SLC2A9: variants seen among roughly 807,000 people sequenced by gnomAD.
SLC2A9 encodes the protein solute carrier family 2, facilitated glucose transporter member 9.
In SLC2A9, 39 loss-of-function variants were observed where a neutral mutation model predicts 50.6. The observed-to-expected ratio is 0.77, with a 90% CI of 0.60 to 1.01. The LOEUF (loss-of-function observed/expected upper bound fraction) is 1.01. Among genes scored for constraint, SLC2A9 ranks in the 50% least tolerant of loss-of-function variants. SLC2A9 has a pLI of 0.00. For synonymous variants in SLC2A9, 324 were observed against 276.9 expected, an observed-to-expected ratio of 1.17 and a Z score of -1.69; for missense variants, 686 against 677.6, an observed-to-expected ratio of 1.01 and a Z score of -0.14.
chr4:9,833,297 C>T (rs2109131973), intron 11 of SLC2A9, among the ~76,000 whole-genome samples: 1 of 152,270 alleles, frequency 6.6e-6, no homozygotes, highest in South Asian at 2.1e-4. Context: ...GTGTTTGTTG[C>T]TAAAACACAA....
chr4:9,783,367 T>C, intron 3 of SLC2A9: 1 of 1,614,214 alleles, frequency 6.2e-7, no homozygotes, highest in Non-Finnish European at 8.5e-7. Context: ...CGTCCCCAGA[T>C]GGTGACCCTG....
At chr4:9,914,521 A>G (rs370598574) in intron 7 of SLC2A9, among the ~76,000 whole-genome samples, 18 of 152,118 alleles carry the variant, frequency 1.2e-4, no homozygotes, top group Admixed American at 3.9e-4. Flanking sequence ...GCTTCACAAA[A>G]CAGGACCTGT....
chr4:9,970,812 C>G (rs1352452081), intron 5 of SLC2A9, among the ~76,000 whole-genome samples: 1 of 152,178 alleles, frequency 6.6e-6, no homozygotes, highest in Non-Finnish European at 1.5e-5. Flanking sequence ...GCGCCAGACC[C>G]AAAACCGGAC....
upstream of SLC2A9, among the ~76,000 whole-genome samples, chr4:10,023,590 CT>C (rs1763654554): frequency 6.6e-6 from 1 of 152,232 alleles, no homozygotes; most frequent in Admixed American, 6.5e-5. Flanking sequence ...GAATGTGCAG[CT>C]ACAGCTGGAC....
At chr4:9,839,215 TAAA>T (rs961448180) in intron 10 of SLC2A9, among the ~76,000 whole-genome samples, 2 of 152,080 alleles carry the variant, frequency 1.3e-5, no homozygotes, top group African/African-American at 2.4e-5. Flanking sequence ...TACATGTGGT[TAAA>T]AATCATATGA....
chr4:9,956,938 C>T (rs146640223), intron 5 of SLC2A9, among the ~76,000 whole-genome samples: 101 of 152,138 alleles, frequency 6.6e-4, no homozygotes, highest in African/African-American at 2.4e-3. Context: ...GATGGAATAG[C>T]AAAGTGGAGG....
chr4:9,868,697 T>C (rs1732915391), intron 10 of SLC2A9, among the ~76,000 whole-genome samples: 1 of 152,174 alleles, frequency 6.6e-6, no homozygotes, highest in Non-Finnish European at 1.5e-5. Flanking sequence ...GGAACCCCCA[T>C]ACCTGTGGGA....
chr4:9,990,931 C>T (rs1480113290), intron 3 of SLC2A9, among the ~76,000 whole-genome samples: 1 of 152,302 alleles, frequency 6.6e-6, no homozygotes, highest in East Asian at 1.9e-4. Context: ...TCCCTATCCC[C>T]TCAGGGATTC....
chr4:9,881,504 G>A (rs1735204833), intron 10 of SLC2A9, among the ~76,000 whole-genome samples: 1 of 152,162 alleles, frequency 6.6e-6, no homozygotes, highest in Non-Finnish European at 1.5e-5. Context: ...CAGAGCTGAG[G>A]AACTATAGCA....
At chr4:9,959,508 T>C (rs1317771038) in intron 5 of SLC2A9, among the ~76,000 whole-genome samples, 1 of 152,080 alleles carries the variant, frequency 6.6e-6, no homozygotes, top group Non-Finnish European at 1.5e-5. Flanking sequence ...TCATCAATTA[T>C]TTTAAAATAT....
intron 8 of SLC2A9, among the ~76,000 whole-genome samples, chr4:9,903,318 T>C (rs1445392907): frequency 6.6e-6 from 1 of 151,966 alleles, no homozygotes; most frequent in South Asian, 2.1e-4. Flanking sequence ...ATTATGAAAA[T>C]GTACTGCAGT....
chr4:9,917,708 G>A (rs1450581836), intron 7 of SLC2A9, among the ~76,000 whole-genome samples: 1 of 152,174 alleles, frequency 6.6e-6, no homozygotes, highest in African/African-American at 2.4e-5. Context: ...CATCTGTGAT[G>A]TTTGCTTGAT....
At chr4:9,864,401 G>T (rs1487859365) in intron 10 of SLC2A9, among the ~76,000 whole-genome samples, 2 of 152,342 alleles carry the variant, frequency 1.3e-5, no homozygotes, top group South Asian at 2.1e-4. Flanking sequence ...ACAGCCTTCT[G>T]CTCTCCAAGG....
At chr4:9,828,720 C>T (rs1202827998) in intron 11 of SLC2A9, among the ~76,000 whole-genome samples, 1 of 152,200 alleles carries the variant, frequency 6.6e-6, no homozygotes, top group Non-Finnish European at 1.5e-5. Flanking sequence ...GAGAGGTTCT[C>T]GTTGACTCTC....
intron 5 of SLC2A9, among the ~76,000 whole-genome samples, chr4:9,952,594 C>T (rs1264908147): frequency 6.6e-6 from 1 of 151,324 alleles, no homozygotes; most frequent in Non-Finnish European, 1.5e-5. Flanking sequence ...AGTGCAGTGA[C>T]GCAATCTCAG....
chr4:9,873,398 T>C lies in SLC2A9; in HGVS notation c.1291+14169A>G, dbSNP rs185703795. ...GGCAATTGTAGAATAGCCACAGTTC[T>C]TTGCAGCCCCTCCAATGGGAGGGAA... is the stretch of plus-strand genomic sequence containing the variant. On this transcript the variant is annotated intron_variant, in intron 10 of 11. Transcript: ENST00000264784. Among the ~76,000 whole-genome samples the C allele has an allele frequency of 3.5e-4, 53 of 152,340 alleles. 1 individual carries two copies. The East Asian group carries it at 0.01, about 29-fold the overall frequency.
At chr4:9,939,827 G>A (rs935425358) in intron 6 of SLC2A9, among the ~76,000 whole-genome samples, 2 of 152,114 alleles carry the variant, frequency 1.3e-5, no homozygotes, top group Non-Finnish European at 2.9e-5. Flanking sequence ...TCACCTGGCA[G>A]AACACCCAAC....
chr4:9,879,168 TG>T, intron 10 of SLC2A9: 1 of 671,748 alleles, frequency 1.5e-6, no homozygotes, highest in South Asian at 7.1e-5. Flanking sequence ...GGGGTGGGGG[TG>T]GGGATACACT....
intron 5 of SLC2A9, among the ~76,000 whole-genome samples, chr4:9,977,805 C>CA (rs1457213011): frequency 1.3e-5 from 2 of 152,134 alleles, no homozygotes; most frequent in African/African-American, 4.8e-5. Flanking sequence ...TGGTCAATTG[C>CA]CCTCCTGTGA....
Sources: gnomAD v4.1 joint callset for allele counts (sites outside exome capture counted in the v4.1 genomes callset) on GRCh38, gnomAD v4.1.1 for gene constraint, MANE v1.5 for transcripts, NCBI Gene and HGNC (gene_info 2026-07-23, HGNC 2026-07-21) for gene names.